Variants in LPA observed in about 807,000 individuals in gnomAD.
LPA encodes the protein lipoprotein(a).
In LPA, 199 loss-of-function variants were observed where a neutral mutation model predicts 197.9. The observed-to-expected ratio is 1.01, with a 90% CI of 0.90 to 1.13. The LOEUF (loss-of-function observed/expected upper bound fraction) is 1.13, where lower values mean the gene tolerates loss of function less well. LPA is among the 50% of genes most tolerant of loss of function. The probability of loss-of-function intolerance (pLI) is 0.00; values close to 1 mark genes in which losing one functional copy is unlikely to be tolerated. For synonymous variants in LPA, 715 were observed against 639.5 expected (o/e 1.12, Z -1.78); for missense variants, 1,853 against 1,785.8 (o/e 1.04, Z -0.68).
chr6:160,596,052 T>C (rs1464382324), intron 20 of LPA, among the ~76,000 whole-genome samples: 1 of 152,244 alleles, frequency 6.6e-6, no homozygotes, highest in South Asian at 2.1e-4. Context: ...CTATTCAGCA[T>C]CTGGTTTGCT....
At chr6:160,567,382 A>C (rs1583583778) in intron 28 of LPA, among the ~76,000 whole-genome samples, 1 of 152,144 alleles carries the variant, frequency 6.6e-6, no homozygotes, top group Non-Finnish European at 1.5e-5. Flanking sequence ...AACAACCTGC[A>C]CCTGAGTGAC....
chr6:160,565,612 G>A (rs1378168427), intron 28 of LPA, among the ~76,000 whole-genome samples: 16 of 152,194 alleles, frequency 1.1e-4, no homozygotes, highest in Admixed American at 1.0e-3. Context: ...AAATCAGGGT[G>A]CCTCTTCTCC....
chr6:160,593,090 C>A (rs1400799596), intron 22 of LPA, among the ~76,000 whole-genome samples: 1 of 152,160 alleles, frequency 6.6e-6, no homozygotes, highest in Non-Finnish European at 1.5e-5. Flanking sequence ...CAAATCCCCT[C>A]TCATTCTTAG....
At chr6:160,546,005 G>T (rs1246123653) in intron 32 of LPA, among the ~76,000 whole-genome samples, 2 of 152,188 alleles carry the variant, frequency 1.3e-5, no homozygotes, top group Non-Finnish European at 1.5e-5. Context: ...CTGTGATATT[G>T]TGATAGAATA....
chr6:160,652,890 T>C (rs1348031518), intron 1 of LPA, among the ~76,000 whole-genome samples: 23 of 151,966 alleles, frequency 1.5e-4, no homozygotes, highest in Admixed American at 1.5e-3. Flanking sequence ...TTGTGGAAAA[T>C]ACTAAAACCA....
chr6:160,647,371 C>T (rs1477181018), intron 2 of LPA, among the ~76,000 whole-genome samples: 1 of 152,180 alleles, frequency 6.6e-6, no homozygotes, highest in Non-Finnish European at 1.5e-5. Context: ...TCTCAGTATC[C>T]TCACATTCAT....
intron 28 of LPA, among the ~76,000 whole-genome samples, chr6:160,574,753 G>A (rs1453195736): frequency 6.6e-6 from 1 of 152,150 alleles, no homozygotes; most frequent in Non-Finnish European, 1.5e-5. Context: ...CACAGTATTT[G>A]GGGTGTCTCC....
chr6:160,547,824 G>A lies in LPA; in HGVS notation c.5269C>T (p.Pro1757Ser). 5.6e-6 allele frequency: 9 copies of A among 1,614,094 alleles called. No individual in the cohort carries two copies. Among genetic ancestry groups the A allele is most frequent in the Non-Finnish European group, 7.6e-6 (9 of 1,180,008 alleles). ...AGACCTGCCCATTTATTTGTCCCTG[G>A]AATGAACGTGCTGTGTCTATGGGGC... ...QEPHRHSTFI[P>S]GTNKWAGLEK... Residue 1757 changes from proline to serine, a missense_variant, in exon 32 of 39, where the codon CCA (proline) becomes TCA (serine). Pro to Ser is a moderately conservative substitution (Grantham distance 74). Transcript: ENST00000316300.
intron 16 of LPA, among the ~76,000 whole-genome samples, chr6:160,608,282 G>A (rs949536036): frequency 5.3e-5 from 8 of 152,050 alleles, no homozygotes; most frequent in Admixed American, 2.0e-4. Context: ...TACAGTTTCC[G>A]GTTTCTTTGT....
intron 16 of LPA, among the ~76,000 whole-genome samples, chr6:160,609,018 A>C (rs757998202): frequency 1.1e-4 from 16 of 152,236 alleles, no homozygotes; most frequent in Non-Finnish European, 2.4e-4. Context: ...CTAAGTCTTT[A>C]ATTTGATTTG....
chr6:160,564,141 T>C (rs1485118862), intron 28 of LPA, among the ~76,000 whole-genome samples: 1 of 152,228 alleles, frequency 6.6e-6, no homozygotes, highest in Non-Finnish European at 1.5e-5. Context: ...CATTAGTTGA[T>C]GCAGTTTCTT....
At chr6:160,595,329 G>A in intron 21 of LPA, 25 bp downstream of exon 21, 1 of 1,610,364 alleles carries the variant, frequency 6.2e-7, no homozygotes, top group Non-Finnish European at 8.5e-7. Flanking sequence ...CCTAGGGTGT[G>A]GTTGTCTGGC....
chr6:160,572,391 T>C lies in LPA; in HGVS notation c.4631+4745A>G, dbSNP rs190599916. 7.2e-5 allele frequency among the ~76,000 whole-genome samples: 11 copies of C among 152,348 alleles called. No individual in the cohort carries two copies. In the East Asian group the frequency reaches 1.9e-3, roughly 27 times the overall value. On this transcript the variant is annotated intron_variant, in intron 28 of 38. Transcript: ENST00000316300. ...CATTTAGGCCATTTAGATTCAATTT[T>C]AGCATTGAAATGTGAGGTGCCACTG...
At chr6:160,661,901 G>A (rs1780233535) in intron 1 of LPA, among the ~76,000 whole-genome samples, 2 of 152,136 alleles carry the variant, frequency 1.3e-5, no homozygotes, top group Non-Finnish European at 2.9e-5. Context: ...TAAACATTTT[G>A]AAGAGTGTTT....
rs565422093 is a variant in LPA, at chr6:160,556,315, A to G, written c.4814-131T>C. The G allele has an allele frequency of 1.7e-5, 13 of 772,494 alleles. No individual in the cohort carries two copies. In the African/African-American group the frequency reaches 1.9e-4, roughly 11 times the overall value. 47.9% of individuals were successfully genotyped at this position (772,494 alleles called of 1,614,324 possible). A position where few individuals can be genotyped will look rare whatever the true frequency, so the allele number is the denominator to read the frequency against. On this transcript the variant is annotated intron_variant, in intron 29 of 38. Transcript: ENST00000316300. ...TTAGTATACTCACAAGCAGAAGGAC[A>G]TGCTGAAGCAAAAACAATAGATTAA...
rs1013583175 is a variant in LPA, at chr6:160,547,726, C to T, written c.5304+63G>A. The T allele has an allele frequency of 1.9e-6, 3 of 1,608,950 alleles. No individual in the cohort carries two copies. In the African/African-American group the frequency reaches 4.0e-5, roughly 22 times the overall value. Reference sequence around the variant, plus strand: ...AAGTCTTTCCAGTATTTTCCTCTGCCCCTCTTCTGTTTGAAAAGATTTGTC... The same window carrying T: ...AAGTCTTTCCAGTATTTTCCTCTGCTCCTCTTCTGTTTGAAAAGATTTGTC... On this transcript the variant is annotated intron_variant, in intron 32 of 38. Coordinates refer to ENST00000316300, the MANE Select transcript of LPA (RefSeq NM_005577.4).
chr6:160,554,939 A>G (rs1409263387), intron 30 of LPA, among the ~76,000 whole-genome samples: 1 of 152,168 alleles, frequency 6.6e-6, no homozygotes, highest in African/African-American at 2.4e-5. Flanking sequence ...AGAAAGTCAT[A>G]ATAGTTACGG....
chr6:160,604,675 C>A (rs549900456), intron 18 of LPA, among the ~76,000 whole-genome samples: 1 of 152,278 alleles, frequency 6.6e-6, no homozygotes, highest in African/African-American at 2.4e-5. Context: ...AAAACCCCAA[C>A]AGAACCTTCA....
chr6:160,557,221 C>T (rs994636586), intron 29 of LPA, among the ~76,000 whole-genome samples, 169 bp downstream of exon 29: 6 of 152,024 alleles, frequency 3.9e-5, no homozygotes, highest in Admixed American at 1.3e-4. Context: ...TCACCGCCCA[C>T]GCACGTTGCG....
Sources: allele counts gnomAD v4.1 joint callset (sites outside exome capture counted in the v4.1 genomes callset), GRCh38; gene constraint gnomAD v4.1.1; transcripts MANE v1.5; gene names NCBI Gene and HGNC (gene_info 2026-07-23, HGNC 2026-07-21).